Variants in MYO5B observed in about 807,000 individuals in gnomAD.
MYO5B encodes unconventional myosin-Vb.
In MYO5B, 143 loss-of-function variants were observed where a neutral mutation model predicts 229.3. The observed-to-expected ratio is 0.62, with a 90% CI of 0.54 to 0.72. The LOEUF (loss-of-function observed/expected upper bound fraction) is 0.72. Ranked by LOEUF, MYO5B falls within the 30% of genes least tolerant of loss-of-function variation. The pLI is 0.00. For missense variants in MYO5B, 2,321 were observed against 2,331.0 expected (o/e 1.00, Z 0.09); for synonymous variants, 918 against 885.2 (o/e 1.04, Z -0.66).
At position 50,139,102 on chromosome 18, in the gene MYO5B, G is replaced by A. The variant is rs568042997; in HGVS notation, c.27+55665C>T. On this transcript the variant is annotated intron_variant, in intron 1 of 39. Coordinates refer to ENST00000285039, the MANE Select transcript of MYO5B (RefSeq NM_001080467.3). Reference sequence around the variant, plus strand: ...GTGAGGATGCCAGAGTATTTAGGCAGACCAGGGCCAGGAAATATTTAGGTC... The same window carrying A: ...GTGAGGATGCCAGAGTATTTAGGCAAACCAGGGCCAGGAAATATTTAGGTC... Among the ~76,000 whole-genome samples, 12 of 152,370 alleles carry A rather than the reference G, an allele frequency of 7.9e-5. No individual in the cohort carries two copies. The East Asian group carries it at 1.5e-3, about 20-fold the overall frequency.
At chr18:50,049,814 A>G (rs890086131) in intron 2 of MYO5B, among the ~76,000 whole-genome samples, 2 of 151,966 alleles carry the variant, frequency 1.3e-5, no homozygotes, top group East Asian at 1.9e-4. Context: ...AATCTATGGG[A>G]AAAAAATTAG....
chr18:49,961,542 G>A (rs2025559282), intron 12 of MYO5B, among the ~76,000 whole-genome samples: 1 of 152,228 alleles, frequency 6.6e-6, no homozygotes, highest in Non-Finnish European at 1.5e-5. Context: ...TCTTTCCCTT[G>A]CAATAGCAAG....
intron 1 of MYO5B, among the ~76,000 whole-genome samples, chr18:50,086,664 C>T (rs1312031436): frequency 6.6e-6 from 1 of 152,198 alleles, no homozygotes; most frequent in Non-Finnish European, 1.5e-5. Context: ...ATAATTTCCA[C>T]ATTTGTGGAA....
intron 1 of MYO5B, among the ~76,000 whole-genome samples, chr18:50,176,823 C>T (rs1268651089): frequency 6.6e-6 from 1 of 152,166 alleles, no homozygotes; most frequent in Non-Finnish European, 1.5e-5. Flanking sequence ...TAAGCAACTG[C>T]TTTTTTTGCT....
intron 1 of MYO5B, among the ~76,000 whole-genome samples, chr18:50,102,436 G>C (rs1221144476): frequency 1.3e-5 from 2 of 152,174 alleles, no homozygotes; most frequent in East Asian, 3.9e-4. Flanking sequence ...GCAGGAATAC[G>C]ATCCAGGTGG....
intron 1 of MYO5B, among the ~76,000 whole-genome samples, chr18:50,089,814 G>T (rs58233451): frequency 0.13 from 20,118 of 152,090 alleles, 1,428 homozygotes; most frequent in East Asian, 0.23. Context: ...GGGCCTTTGT[G>T]CCCTTGCCCC....
At chr18:49,935,928 C>T (rs1288522861) in intron 16 of MYO5B, among the ~76,000 whole-genome samples, 3 of 152,252 alleles carry the variant, frequency 2.0e-5, no homozygotes, top group South Asian at 4.1e-4. Context: ...ACTCCAGCAA[C>T]CTTTCCAAGC....
chr18:49,938,082 G>A (rs916243059), intron 14 of MYO5B, among the ~76,000 whole-genome samples: 1 of 152,162 alleles, frequency 6.6e-6, no homozygotes, highest in Non-Finnish European at 1.5e-5. Flanking sequence ...AAGATGCGCA[G>A]AACTTCATTT....
At chr18:50,147,561 A>G (rs910190008) in intron 1 of MYO5B, among the ~76,000 whole-genome samples, 2 of 152,222 alleles carry the variant, frequency 1.3e-5, no homozygotes, top group Non-Finnish European at 2.9e-5. Flanking sequence ...CCCTGAGGAT[A>G]CAGCTGTCAG....
At chr18:49,930,709 G>A (rs942064885) in intron 16 of MYO5B, among the ~76,000 whole-genome samples, 4 of 151,976 alleles carry the variant, frequency 2.6e-5, no homozygotes, top group African/African-American at 4.8e-5. Flanking sequence ...TGGCTAACAC[G>A]GTGAAACCCC....
At chr18:50,149,177 A>G (rs1321254820) in intron 1 of MYO5B, among the ~76,000 whole-genome samples, 1 of 152,244 alleles carries the variant, frequency 6.6e-6, no homozygotes, top group African/African-American at 2.4e-5. Flanking sequence ...GCTCAATGTA[A>G]TCAAAGAGGA....
chr18:50,082,777 A>G (rs1044981296), intron 1 of MYO5B, among the ~76,000 whole-genome samples: 1 of 152,226 alleles, frequency 6.6e-6, no homozygotes, highest in East Asian at 1.9e-4. Context: ...TGCAAATTTG[A>G]GGAAGAAAAC....
intron 5 of MYO5B, among the ~76,000 whole-genome samples, chr18:49,996,436 A>T (rs2025987956): frequency 6.6e-6 from 1 of 152,240 alleles, no homozygotes; most frequent in African/African-American, 2.4e-5. Flanking sequence ...GGGAAAACAT[A>T]AATAAAATGT....
chr18:49,992,342 G>A lies in MYO5B; in HGVS notation c.702C>T (p.Ile234=), dbSNP rs376125035. Residue 234 remains isoleucine (I), a synonymous_variant, in exon 6 of 40, where the codon ATC becomes ATT. Coordinates refer to ENST00000285039, the MANE Select transcript of MYO5B (RefSeq NM_001080467.3). Reference sequence around the variant, plus strand: ...GGTAAGTCCTCATGTTGGCCCCGATGATGTGGTACCTTTTGTCAAAGCCAA... The same window carrying A: ...GGTAAGTCCTCATGTTGGCCCCGATAATGTGGTACCTTTTGTCAAAGCCAA... The part of the protein sequence containing the change: ...IQIGFDKRYH[I]IGANMRTYLL... 4 of 1,614,062 alleles carry A rather than the reference G, an allele frequency of 2.5e-6. No homozygotes were observed. In the African/African-American group the frequency reaches 4.0e-5, roughly 16 times the overall value.
chr18:50,174,396 C>T (rs150043153), intron 1 of MYO5B, among the ~76,000 whole-genome samples: 3 of 152,116 alleles, frequency 2.0e-5, no homozygotes, highest in Admixed American at 6.5e-5. Flanking sequence ...AGCACCAACA[C>T]CAGGATGTCA....
At chr18:49,911,990 A>G (rs536681579) in intron 18 of MYO5B, 72 bp downstream of exon 18, 1,453 of 1,140,544 alleles carry the variant, frequency 1.3e-3, no homozygotes, top group Middle Eastern at 2.3e-3. Flanking sequence ...AAAAATGTAG[A>G]TAACGACGCC....
Position 49,823,839 on chromosome 18 carries a change from T to C in MYO5B, c.*2632A>G, listed in dbSNP as rs1195486953. The C allele has an allele frequency of 6.6e-6, 1 of 152,652 alleles. No individual in the cohort carries two copies. The highest frequency in any genetic ancestry group is 1.5e-5 in the Non-Finnish European group (1 of 68,040). 9.5% of individuals were successfully genotyped at this position (152,652 alleles called of 1,614,324 possible). ...CTATAAGTAAACAGGTCCCGTATAA[T>C]ACTTAAAACACAAGTTTTGATCTAT... On this transcript the variant is annotated 3_prime_UTR_variant, in exon 40 of 40. Coordinates refer to ENST00000285039, the MANE Select transcript of MYO5B (RefSeq NM_001080467.3).
At chr18:49,943,655 C>T (rs1204465075) in intron 14 of MYO5B, among the ~76,000 whole-genome samples, 1 of 152,146 alleles carries the variant, frequency 6.6e-6, no homozygotes, top group African/African-American at 2.4e-5. Flanking sequence ...CTTACTGACG[C>T]TCAAATATGC....
chr18:49,925,599 C>T (rs1330120001), intron 17 of MYO5B, among the ~76,000 whole-genome samples: 1 of 152,184 alleles, frequency 6.6e-6, no homozygotes, highest in Admixed American at 6.5e-5. Flanking sequence ...GTGCACAGTT[C>T]TGAGAAACAG....
Sources: allele counts gnomAD v4.1 joint callset (sites outside exome capture counted in the v4.1 genomes callset), GRCh38; gene constraint gnomAD v4.1.1; transcripts MANE v1.5; gene names NCBI Gene and HGNC (gene_info 2026-07-23, HGNC 2026-07-21).